Variants in CEP85L observed in about 807,000 individuals in gnomAD.
CEP85L encodes the protein centrosomal protein of 85 kDa-like.
CEP85L carries 60 observed loss-of-function variants against 100.3 expected under a neutral mutation model. The ratio of observed to expected loss-of-function variants is 0.60; its 90% CI spans 0.49 to 0.74. The LOEUF is 0.74. Ranked by LOEUF, CEP85L falls within the 30% of genes least tolerant of loss-of-function variation. The pLI is 0.00. For missense variants in CEP85L, 973 were observed against 936.2 expected (o/e 1.04, Z -0.51); for synonymous variants, 319 against 322.7 (o/e 0.99, Z 0.12).
intron 1 of CEP85L, among the ~76,000 whole-genome samples, chr6:118,638,178 C>T (rs766943101): frequency 2.0e-5 from 3 of 151,448 alleles, no homozygotes; most frequent in Admixed American, 6.6e-5. Flanking sequence ...GAGTTCGAGA[C>T]CAGCCTGGGC....
intron 3 of CEP85L, among the ~76,000 whole-genome samples, chr6:118,540,392 A>C (rs1198425799): frequency 1.3e-5 from 2 of 152,126 alleles, no homozygotes; most frequent in African/African-American, 4.8e-5. Flanking sequence ...ATATGTGTTA[A>C]CAGTAAGAAA....
chr6:118,488,734 C>T (rs2114587064), intron 6 of CEP85L, among the ~76,000 whole-genome samples: 2 of 151,998 alleles, frequency 1.3e-5, no homozygotes, highest in East Asian at 1.9e-4. Context: ...ATAAGATGAC[C>T]CCAAAGAAAT....
chr6:118,600,300 GGTGTGTGTGT>G (rs59278037), intron 2 of CEP85L, among the ~76,000 whole-genome samples: 674 of 52,234 alleles, frequency 0.013, 126 homozygotes, highest in Non-Finnish European at 0.017. Flanking sequence ...CCTTCCTGGG[GGTGTGTGTGT>G]GTGTGTGTGT....
intron 3 of CEP85L, among the ~76,000 whole-genome samples, chr6:118,535,764 A>G (rs1208509340): frequency 1.3e-5 from 2 of 152,160 alleles, no homozygotes; most frequent in Non-Finnish European, 2.9e-5. Context: ...TTACTTAATA[A>G]TGGCCCCAAA....
intron 5 of CEP85L, among the ~76,000 whole-genome samples, chr6:118,505,816 G>A (rs957662281): frequency 2.0e-5 from 3 of 152,180 alleles, no homozygotes; most frequent in South Asian, 2.1e-4. Flanking sequence ...GTGGATACAT[G>A]TCATTACTAA....
chr6:118,646,893 G>A, intron 1 of CEP85L: 1 of 975,482 alleles, frequency 1.0e-6, no homozygotes, highest in Non-Finnish European at 1.2e-6. Context: ...TGACAATAGA[G>A]GTTATCAACT....
chr6:118,661,264 G>A (rs1051969244), intron 1 of CEP85L, among the ~76,000 whole-genome samples: 1 of 152,154 alleles, frequency 6.6e-6, no homozygotes, highest in African/African-American at 2.4e-5. Flanking sequence ...GTCATCTTAA[G>A]ATGTTCTTGT....
intron 3 of CEP85L, among the ~76,000 whole-genome samples, chr6:118,526,996 CTTTTTCTTTTTTT>C (rs1777003550): frequency 9.3e-6 from 1 of 108,068 alleles, no homozygotes; most frequent in African/African-American, 3.5e-5. Context: ...CATTCCTTTA[CTTTTTCTTTTTTT>C]TTTTTTTTTT....
At chr6:118,471,808 T>C (rs1772979512) in intron 10 of CEP85L, among the ~76,000 whole-genome samples, 1 of 150,616 alleles carries the variant, frequency 6.6e-6, no homozygotes, top group Non-Finnish European at 1.5e-5. Context: ...GCTCTCTGAA[T>C]ACGTGTATTA....
intron 3 of CEP85L, among the ~76,000 whole-genome samples, chr6:118,551,335 A>C (rs1436539772): frequency 6.6e-6 from 1 of 151,804 alleles, no homozygotes; most frequent in Non-Finnish European, 1.5e-5. Context: ...CCCGCACAAA[A>C]AAAAAGGTTG....
chr6:118,566,136 C>G lies in CEP85L; in HGVS notation c.413G>C (p.Arg138Thr), dbSNP rs757127989. The G allele has an allele frequency of 1.2e-6, 2 of 1,614,184 alleles. No individual in the cohort carries two copies. The highest frequency in any genetic ancestry group is 1.7e-6 in the Non-Finnish European group (2 of 1,180,022). The change falls in exon 3 of 13, where the codon AGG (arginine) becomes ACG (threonine). Residue 138 changes from arginine to threonine, a missense_variant. Transcript: ENST00000368491. ...GTCTAGGGAAGAGTCCTGCTCCCCC[C>G]TACTGTGGTTTCCCAATGTTTGCAT... Reference protein sequence around the residue: ...SLMQTLGNHSRGEQDSSLDMK... With the variant: ...SLMQTLGNHSTGEQDSSLDMK...
At chr6:118,655,923 A>C (rs1398181353), upstream of CEP85L, among the ~76,000 whole-genome samples, 1 of 152,226 alleles carries the variant, frequency 6.6e-6, no homozygotes, top group Non-Finnish European at 1.5e-5. Context: ...GTCACACAGG[A>C]AGTAAAGAGC....
Position 118,615,153 on chromosome 6 carries a change from A to G in CEP85L, c.232+17300T>C, listed in dbSNP as rs545043489. On this transcript the variant is annotated intron_variant, in intron 2 of 12. Transcript: ENST00000368491. ...TTCATAGACTGGAAAACTCACCAAG[A>G]AAAGATGTTATTTCTCCCCAATCTG... is the stretch of plus-strand genomic sequence containing the variant. Among the ~76,000 whole-genome samples the G allele has an allele frequency of 4.6e-5, 7 of 152,346 alleles. No individual in the cohort carries two copies. The South Asian group carries it at 1.5e-3, about 32-fold the overall frequency.
chr6:118,620,748 T>A (rs899877121), intron 2 of CEP85L, among the ~76,000 whole-genome samples: 2 of 152,202 alleles, frequency 1.3e-5, no homozygotes, highest in Non-Finnish European at 2.9e-5. Context: ...GTTAATCTCC[T>A]GCCCTAGACA....
intron 1 of CEP85L, among the ~76,000 whole-genome samples, chr6:118,690,188 T>G (rs1000892967): frequency 1.3e-5 from 2 of 152,214 alleles, no homozygotes; most frequent in African/African-American, 4.8e-5. Context: ...TTCTGGTGAT[T>G]GATACAATGC....
chr6:118,481,957 C>G, intron 7 of CEP85L, 24 bp from the exon 8 acceptor site: 1 of 1,422,256 alleles, frequency 7.0e-7, no homozygotes, highest in Non-Finnish European at 9.4e-7. Flanking sequence ...TTTTACAGTT[C>G]ATTACACATG....
intron 1 of CEP85L, among the ~76,000 whole-genome samples, chr6:118,648,581 A>C (rs905336531): frequency 1.3e-5 from 2 of 152,008 alleles, no homozygotes; most frequent in Admixed American, 6.5e-5. Flanking sequence ...CTCTACTAAA[A>C]ATACAAAAAA....
intron 1 of CEP85L, among the ~76,000 whole-genome samples, chr6:118,672,088 G>T (rs2115428703): frequency 6.6e-6 from 1 of 152,268 alleles, no homozygotes; most frequent in African/African-American, 2.4e-5. Flanking sequence ...CCAGGTTGTA[G>T]TGCAGTGGTG....
intron 2 of CEP85L, among the ~76,000 whole-genome samples, chr6:118,616,632 C>A (rs1334951564): frequency 6.1e-5 from 9 of 147,224 alleles, no homozygotes; most frequent in Non-Finnish European, 8.9e-5. Context: ...GGCAACACTG[C>A]AGGACCCTGT....
Sources: gnomAD v4.1 joint callset for allele counts (sites outside exome capture counted in the v4.1 genomes callset) on GRCh38, gnomAD v4.1.1 for gene constraint, MANE v1.5 for transcripts, NCBI Gene and HGNC (gene_info 2026-07-23, HGNC 2026-07-21) for gene names.